Variants in KAZN observed in about 807,000 individuals in gnomAD.
KAZN encodes kazrin.
A neutral mutation model predicts 87.4 loss-of-function variants in KAZN; 40 were observed. The observed-to-expected ratio is 0.46, with a 90% CI of 0.36 to 0.60. KAZN has a LOEUF of 0.60. Ranked by LOEUF, KAZN falls within the 20% of genes least tolerant of loss-of-function variation. KAZN has a pLI of 0.00. For synonymous variants in KAZN, 466 were observed against 458.3 expected (o/e 1.02, Z -0.22); for missense variants, 898 against 1,073.9 (o/e 0.84, Z 2.29).
At position 15,114,894 on chromosome 1, in the gene KAZN, G is replaced by A. The variant is rs1432902936; in HGVS notation, c.*259G>A. Reference sequence around the variant, plus strand: ...GCCCAGAGGACCTGTCACAGTGTCCGGCCCTGCCTCCATCCAGGATACACA... The same window carrying A: ...GCCCAGAGGACCTGTCACAGTGTCCAGCCCTGCCTCCATCCAGGATACACA... On this transcript the variant is annotated 3_prime_UTR_variant, in exon 15 of 15. Coordinates refer to ENST00000376030, the MANE Select transcript of KAZN (RefSeq NM_201628.3). 7 of 358,086 alleles carry A rather than the reference G, an allele frequency of 2.0e-5. No individual in the cohort carries two copies. Among genetic ancestry groups the A allele is most frequent in the African/African-American group, 4.1e-5 (2 of 49,196 alleles). 22.2% of individuals were successfully genotyped at this position (358,086 alleles called of 1,614,324 possible).
At chr1:14,576,821 A>C (rs190284026) in intron 2 of KAZN, among the ~76,000 whole-genome samples, 1 of 152,364 alleles carries the variant, frequency 6.6e-6, no homozygotes, top group East Asian at 1.9e-4. Flanking sequence ...ATCCAAGAGC[A>C]AATAATACTT....
intron 1 of KAZN, among the ~76,000 whole-genome samples, chr1:14,883,354 GAAAAGAAA>G (rs778935384): frequency 1.2e-4 from 2 of 16,206 alleles, no homozygotes; most frequent in Non-Finnish European, 2.4e-4. Flanking sequence ...AAGAAAGAAA[GAAAAGAAA>G]GAAAGAAAGA....
chr1:13,960,608 C>T (rs1003803174), intron 1 of KAZN, among the ~76,000 whole-genome samples: 8 of 152,166 alleles, frequency 5.3e-5, no homozygotes, highest in African/African-American at 1.9e-4. Context: ...ATGAATGCAT[C>T]ACATTGACGC....
chr1:14,249,902 T>A (rs1018219382), intron 2 of KAZN, among the ~76,000 whole-genome samples: 1 of 124,454 alleles, frequency 8.0e-6, no homozygotes, highest in Non-Finnish European at 1.5e-5. Context: ...GGCAGAAACT[T>A]CTTCTTCTGC....
At chr1:14,419,404 G>A (rs1368954079) in intron 2 of KAZN, among the ~76,000 whole-genome samples, 1 of 152,136 alleles carries the variant, frequency 6.6e-6, no homozygotes, top group African/African-American at 2.4e-5. Context: ...ATCCCTCCCA[G>A]CCCATTCCCT....
chr1:15,076,774 C>T (rs183116953), intron 8 of KAZN, among the ~76,000 whole-genome samples: 7 of 152,308 alleles, frequency 4.6e-5, no homozygotes, highest in Non-Finnish European at 8.8e-5. Flanking sequence ...AAACATTAGC[C>T]GTCACGACTG....
intron 1 of KAZN, among the ~76,000 whole-genome samples, chr1:14,674,156 A>T (rs1434056606): frequency 1.3e-5 from 2 of 152,132 alleles, no homozygotes; most frequent in Non-Finnish European, 2.9e-5. Context: ...TCTTATTCAT[A>T]TTTCTAGTCC....
intron 2 of KAZN, among the ~76,000 whole-genome samples, chr1:14,195,509 G>T (rs1557551983): frequency 2.6e-5 from 1 of 38,230 alleles, no homozygotes; most frequent in Non-Finnish European, 5.3e-5. Context: ...TACAAAAACG[G>T]CTCACACACA....
chr1:14,461,813 G>A (rs1667868092), intron 2 of KAZN, among the ~76,000 whole-genome samples: 1 of 152,016 alleles, frequency 6.6e-6, no homozygotes, highest in Non-Finnish European at 1.5e-5. Context: ...TAGCCAGGAA[G>A]GGGTTAAAAT....
rs1469852516 is a variant in KAZN, at chr1:15,117,653, G to C, written c.*3018G>C. 6.6e-6 allele frequency: 1 copy of C among 151,354 alleles called. No individual in the cohort carries two copies. The highest frequency in any genetic ancestry group is 1.5e-5 in the Non-Finnish European group (1 of 68,224). 9.4% of individuals were successfully genotyped at this position (151,354 alleles called of 1,614,324 possible). ...AGAACAGGAAGATTTGGCCAGAGGT[G>C]ACCTCAGTGTTCCCTCCAGGGGCAT... is the stretch of plus-strand genomic sequence containing the variant. On this transcript the variant is annotated 3_prime_UTR_variant, in exon 15 of 15. Coordinates refer to ENST00000376030, the MANE Select transcript of KAZN (RefSeq NM_201628.3).
At chr1:14,530,719 C>A (rs1205781511) in intron 2 of KAZN, among the ~76,000 whole-genome samples, 1 of 152,188 alleles carries the variant, frequency 6.6e-6, no homozygotes, top group Non-Finnish European at 1.5e-5. Flanking sequence ...TCCCCAGAAG[C>A]AGATGTCATC....
chr1:14,744,403 GT>G (rs137909032), intron 1 of KAZN, among the ~76,000 whole-genome samples: 5,324 of 151,978 alleles, frequency 0.035, 303 homozygotes, highest in African/African-American at 0.12. Flanking sequence ...AGTTTTTTTT[GT>G]TTTGTTTTTG....
chr1:15,094,462 C>A lies in KAZN; in HGVS notation c.1428+77C>A. The A allele has an allele frequency of 7.4e-7, 1 of 1,350,178 alleles. No individual in the cohort carries two copies. Among genetic ancestry groups the A allele is most frequent in the Non-Finnish European group, 1.0e-6 (1 of 976,400 alleles). 83.6% of individuals were successfully genotyped at this position (1,350,178 alleles called of 1,614,324 possible). A position where few individuals can be genotyped will look rare whatever the true frequency, so the allele number is the denominator to read the frequency against. On this transcript the variant is annotated intron_variant, in intron 9 of 14. Transcript: ENST00000376030. The surrounding 1 kb of genome is among the most constrained non-coding windows in gnomAD (Gnocchi z 4.5). ...TTACGTACCCAGAAGCTGGCCTGCCCCCCACTCCTACCCTGGAGTCAGGAG... is the reference window on the plus strand; with the variant it reads ...TTACGTACCCAGAAGCTGGCCTGCCACCCACTCCTACCCTGGAGTCAGGAG...
chr1:14,943,881 GACCAACATGGTGA>G (rs1337903314), intron 1 of KAZN, among the ~76,000 whole-genome samples: 1 of 152,106 alleles, frequency 6.6e-6, no homozygotes, highest in Non-Finnish European at 1.5e-5. Context: ...AGACCAGCCT[GACCAACATGGTGA>G]AACCCTGTCT....
chr1:15,086,987 C>T (rs1004550142), intron 8 of KAZN, among the ~76,000 whole-genome samples: 3 of 152,222 alleles, frequency 2.0e-5, no homozygotes, highest in Non-Finnish European at 2.9e-5. Flanking sequence ...TCATTTCTAC[C>T]AAATTCCCAG....
intron 1 of KAZN, among the ~76,000 whole-genome samples, chr1:14,082,182 T>G (rs1643700125): frequency 2.6e-5 from 4 of 152,186 alleles, no homozygotes; most frequent in Admixed American, 2.6e-4. Context: ...AATATGAATG[T>G]ATTTATTCTC....
At chr1:14,615,284 C>G (rs1678141775) in intron 1 of KAZN, among the ~76,000 whole-genome samples, 1 of 152,170 alleles carries the variant, frequency 6.6e-6, no homozygotes, top group Non-Finnish European at 1.5e-5. Flanking sequence ...ATTGTGGGAT[C>G]CAGAGACCTG....
chr1:14,450,613 A>G (rs999045439), intron 2 of KAZN, among the ~76,000 whole-genome samples: 8 of 151,868 alleles, frequency 5.3e-5, no homozygotes, highest in African/African-American at 1.2e-4. Context: ...AAAAACAACA[A>G]CAGCAAAACA....
In KAZN at chr1:14,620,136, C is replaced by T. The variant is rs529543902; in HGVS notation, c.226+20913C>T. Among the ~76,000 whole-genome samples the T allele has an allele frequency of 1.1e-3, 166 of 152,240 alleles. 1 individual carries two copies. The highest frequency in any genetic ancestry group is 2.1e-3 in the Non-Finnish European group (142 of 68,014). On this transcript the variant is annotated intron_variant, in intron 1 of 14. Coordinates refer to ENST00000376030, the MANE Select transcript of KAZN (RefSeq NM_201628.3). The stretch of plus-strand genomic sequence containing the variant: ...CAATGGTAGGATCTATGTATATATG[C>T]GTATTTTACACGTGTATGTATAGTC...
Sources: allele counts gnomAD v4.1 joint callset (sites outside exome capture counted in the v4.1 genomes callset), GRCh38; gene constraint gnomAD v4.1.1; non-coding constraint Gnocchi (gnomAD v3.1); transcripts MANE v1.5; gene names NCBI Gene and HGNC (gene_info 2026-07-23, HGNC 2026-07-21).